Variants in ZC3H4 observed in about 807,000 individuals in gnomAD.
The protein encoded by ZC3H4 is zinc finger CCCH-type containing 4.
A neutral mutation model predicts 108.3 loss-of-function variants in ZC3H4; 13 were observed. The ratio of observed to expected loss-of-function variants is 0.12; its 90% CI spans 0.08 to 0.19. The LOEUF (loss-of-function observed/expected upper bound fraction) is 0.19. Among genes scored for constraint, ZC3H4 ranks in the 10% least tolerant of loss-of-function variants. The probability of loss-of-function intolerance (pLI) is 1.00; values close to 1 mark genes in which losing one functional copy is unlikely to be tolerated. For missense variants in ZC3H4, 1,734 were observed against 1,838.8 expected (o/e 0.94, Z 1.04); for synonymous variants, 917 against 749.6 (o/e 1.22, Z -3.65).
chr19:47,098,179 G>A (rs541744478), intron 2 of ZC3H4, among the ~76,000 whole-genome samples: 1 of 152,288 alleles, frequency 6.6e-6, no homozygotes, highest in South Asian at 2.1e-4. Flanking sequence ...CACACACCAC[G>A]GACTTGGCAA....
At chr19:47,076,288 G>A (rs1389264168) in intron 11 of ZC3H4, among the ~76,000 whole-genome samples, 1 of 151,860 alleles carries the variant, frequency 6.6e-6, no homozygotes, top group African/African-American at 2.4e-5. Flanking sequence ...CCAAGTGCAA[G>A]AAGCCAGACT....
In ZC3H4 at chr19:47,067,201, C is replaced by A. The variant is rs771929582; in HGVS notation, c.3067G>T (p.Ala1023Ser). ...GTGGAGGCGCCCGGGCGCTGCCGGG[C>A]GTTGGGGGGCCCTGCCGTGGCAGCG... is the stretch of plus-strand genomic sequence containing the variant. ...HRAATAGPPN[A>S]RQRPGASTDS... Residue 1023 changes from alanine (A) to serine (S), a missense_variant, in exon 15 of 15, where the codon GCC becomes TCC. Ala to Ser is a moderately conservative substitution (Grantham distance 99, BLOSUM62 1). This residue lies in a region of ZC3H4 where 518 missense variants were observed against 499.6 expected (regional missense o/e 1.04). Transcript: ENST00000253048. The surrounding 1 kb of genome is among the most constrained non-coding windows in gnomAD (Gnocchi z 6.4). 3.1e-6 allele frequency: 5 copies of A among 1,610,068 alleles called. No homozygotes were observed. Among genetic ancestry groups the A allele is most frequent in the East Asian group, 2.2e-5 (1 of 44,758 alleles).
At chr19:47,095,134 C>T (rs1012572496) in intron 2 of ZC3H4, among the ~76,000 whole-genome samples, 10 of 152,180 alleles carry the variant, frequency 6.6e-5, no homozygotes, top group Non-Finnish European at 1.5e-4. Flanking sequence ...TGCTGGGCCC[C>T]GGGCCCCAGT....
At chr19:47,112,137 C>T in intron 2 of ZC3H4, 1 of 1,094,396 alleles carries the variant, frequency 9.1e-7, no homozygotes, top group African/African-American at 1.6e-5. Flanking sequence ...GTCCGAGGGG[C>T]GCCTCCTCAC....
chr19:47,081,683 A>T, intron 10 of ZC3H4, 61 bp from the exon 11 acceptor site: 1 of 1,403,036 alleles, frequency 7.1e-7, no homozygotes, highest in South Asian at 1.2e-5. Flanking sequence ...CCCACCACAG[A>T]CCCAAGGCAG....
At position 47,067,516 on chromosome 19, in the gene ZC3H4, A is replaced by G; in HGVS notation, c.2752T>C (p.Ser918Pro). Residue 918 changes from serine to proline, a missense_variant, in exon 15 of 15, where the codon TCT (serine) becomes CCT (proline). This residue lies in a region of ZC3H4 where 540 missense variants were observed against 484.1 expected (regional missense o/e 1.12). Coordinates refer to ENST00000253048, the MANE Select transcript of ZC3H4 (RefSeq NM_015168.2). This position sits in a 1 kb window ranked among gnomAD's most constrained non-coding sequence, Gnocchi z 6.4. ...TCCTCCTCCGTTGGGGGCGGCCCAGACCCCTTGGAACTGCTGGGGCCCACA... is the reference window on the plus strand; with the variant it reads ...TCCTCCTCCGTTGGGGGCGGCCCAGGCCCCTTGGAACTGCTGGGGCCCACA... ...SPVGPSSSKGSGPPPTEEEEG... is the reference protein window; with the variant it reads ...SPVGPSSSKGPGPPPTEEEEG... 1 of 1,592,454 alleles carries G rather than the reference A, an allele frequency of 6.3e-7. No individual in the cohort carries two copies. Among genetic ancestry groups the G allele is most frequent in the Non-Finnish European group, 8.6e-7 (1 of 1,168,868 alleles).
At chr19:47,104,495 T>A (rs78847946) in intron 2 of ZC3H4, among the ~76,000 whole-genome samples, 1 of 152,184 alleles carries the variant, frequency 6.6e-6, no homozygotes, top group African/African-American at 2.4e-5. Flanking sequence ...ATATTCTATA[T>A]GAAGTATCAA....
intron 2 of ZC3H4, among the ~76,000 whole-genome samples, chr19:47,095,640 G>A (rs1021176430): frequency 1.3e-5 from 2 of 152,200 alleles, no homozygotes; most frequent in African/African-American, 4.8e-5. Flanking sequence ...TATCTATGGG[G>A]TGGGGTAGGA....
chr19:47,099,472 AG>A (rs2057873162), intron 2 of ZC3H4, among the ~76,000 whole-genome samples: 1 of 151,042 alleles, frequency 6.6e-6, no homozygotes, highest in Non-Finnish European at 1.5e-5. Context: ...AAAAAAAAAA[AG>A]AAAAAAAGAA....
At position 47,066,554 on chromosome 19, in the gene ZC3H4, G is replaced by A. The variant is rs752587316; in HGVS notation, c.3714C>T (p.Pro1238=). The A allele has an allele frequency of 5.5e-5, 87 of 1,573,326 alleles. 1 individual carries two copies. Among genetic ancestry groups the A allele is most frequent in the Middle Eastern group, 1.8e-4 (1 of 5,406 alleles). Residue 1238 remains proline, a synonymous_variant, in exon 15 of 15, where the codon CCC becomes CCT. Transcript: ENST00000253048. The part of the protein sequence containing the change: ...APAATTATPP[P]EGAPPQPGVH... ...CCCCGGGCTGGGGTGGGGCACCCTCGGGGGGTGGGGTGGCGGTGGTGGCAG... is the reference window on the plus strand; with the variant it reads ...CCCCGGGCTGGGGTGGGGCACCCTCAGGGGGTGGGGTGGCGGTGGTGGCAG...
At chr19:47,096,901 G>GCC (rs2057829719) in intron 2 of ZC3H4, 1 of 985,226 alleles carries the variant, frequency 1.0e-6, no homozygotes, top group African/African-American at 1.7e-5. Context: ...GCCTCAGCAC[G>GCC]CCCTCCCTTA....
At chr19:47,090,890 C>A (rs2057719711) in intron 4 of ZC3H4, among the ~76,000 whole-genome samples, 1 of 152,092 alleles carries the variant, frequency 6.6e-6, no homozygotes, top group African/African-American at 2.4e-5. Flanking sequence ...AAACTGGAGG[C>A]AGGGAAGGGG....
At chr19:47,073,045 G>T (rs1285702998) in intron 11 of ZC3H4, among the ~76,000 whole-genome samples, 1 of 152,144 alleles carries the variant, frequency 6.6e-6, no homozygotes, top group Non-Finnish European at 1.5e-5. Context: ...GGCCGAGGTG[G>T]GTGGATCACT....
intron 2 of ZC3H4, among the ~76,000 whole-genome samples, chr19:47,104,464 G>C (rs868848072): frequency 3.2e-4 from 49 of 152,206 alleles, no homozygotes; most frequent in African/African-American, 1.1e-3. Flanking sequence ...GCCAGGTACA[G>C]ATTGGGTACA....
rs2057211548 is a variant in ZC3H4 at position 47,066,806 on chromosome 19, G to A, written c.3462C>T (p.Pro1154=). The A allele has an allele frequency of 5.6e-6, 9 of 1,600,104 alleles. No homozygotes were observed. The highest frequency in any genetic ancestry group is 1.3e-5 in the African/African-American group (1 of 74,902). ...SGISLYDPRT[P]NAGGKATEPA... ...GCTCTGTGGCTTTGCCCCCCGCGTT[G>A]GGAGTCCTCGGGTCGTAGAGGCTGA... is the stretch of plus-strand genomic sequence containing the variant. The change falls in exon 15 of 15, where the codon CCC becomes CCT. Residue 1154 remains proline, a synonymous_variant. Transcript: ENST00000253048.
intron 14 of ZC3H4, among the ~76,000 whole-genome samples, chr19:47,068,593 G>C (rs1289117238): frequency 6.6e-6 from 1 of 152,144 alleles, no homozygotes; most frequent in Admixed American, 6.5e-5. Flanking sequence ...AGGGCCACCT[G>C]TGGCCTCTGG....
At chr19:47,092,190 G>C (rs2057745350) in intron 4 of ZC3H4, among the ~76,000 whole-genome samples, 1 of 152,172 alleles carries the variant, frequency 6.6e-6, no homozygotes. Context: ...GGGCAACAGA[G>C]TGAGATCCCA....
At chr19:47,071,748 C>A (rs2057329241) in intron 13 of ZC3H4, 30 bp downstream of exon 13, 2 of 1,563,034 alleles carry the variant, frequency 1.3e-6, no homozygotes, top group South Asian at 1.2e-5. Flanking sequence ...GCCTGCAGCC[C>A]CAGGCAGCCA....
intron 2 of ZC3H4, among the ~76,000 whole-genome samples, chr19:47,105,271 T>C (rs1052129491): frequency 2.6e-5 from 4 of 152,132 alleles, no homozygotes; most frequent in Non-Finnish European, 5.9e-5. Context: ...CAGCCACTGA[T>C]GATATAAATG....
Sources: allele counts gnomAD v4.1 joint callset (sites outside exome capture counted in the v4.1 genomes callset), GRCh38; gene constraint gnomAD v4.1.1; regional missense constraint gnomAD v4.1.1; non-coding constraint Gnocchi (gnomAD v3.1); transcripts MANE v1.5; gene names NCBI Gene and HGNC (gene_info 2026-07-23, HGNC 2026-07-21).